Variants in IFT80 observed in about 807,000 individuals in gnomAD.
The protein encoded by IFT80 is intraflagellar transport protein 80 homolog.
IFT80 carries 79 observed loss-of-function variants against 107.9 expected under a neutral mutation model. The ratio of observed to expected loss-of-function variants is 0.73; its 90% CI spans 0.61 to 0.88. The LOEUF is 0.88. IFT80 is among the 40% of genes least tolerant of loss of function. The pLI, the probability that IFT80 is intolerant of heterozygous loss-of-function variation, is 0.00. For missense variants in IFT80, 797 were observed against 914.2 expected (o/e 0.87, Z 1.65); for synonymous variants, 299 against 300.9 (o/e 0.99, Z 0.07).
At chr3:160,259,653 C>T (rs1424461448) in intron 19 of IFT80, among the ~76,000 whole-genome samples, 2 of 152,142 alleles carry the variant, frequency 1.3e-5, no homozygotes, top group Admixed American at 1.3e-4. Context: ...ATGCAGTCTC[C>T]CCTCCCCTAG....
At chr3:160,319,527 T>C (rs1718052508) in intron 9 of IFT80, among the ~76,000 whole-genome samples, 1 of 152,024 alleles carries the variant, frequency 6.6e-6, no homozygotes, top group African/African-American at 2.4e-5. Flanking sequence ...GTTTCCAATT[T>C]CACTGTATTT....
intron 1 of IFT80, among the ~76,000 whole-genome samples, chr3:160,396,621 G>T (rs1256262055): frequency 2.0e-5 from 3 of 152,074 alleles, no homozygotes; most frequent in African/African-American, 7.2e-5. Context: ...TTCTAAGACT[G>T]CCTGAAATTG....
chr3:160,334,316 T>C (rs1719302272), intron 8 of IFT80, among the ~76,000 whole-genome samples: 1 of 152,192 alleles, frequency 6.6e-6, no homozygotes, highest in Non-Finnish European at 1.5e-5. Flanking sequence ...TGAGATATGT[T>C]ATTAGTTGAT....
In IFT80 at chr3:160,352,725, G is replaced by C. The variant is rs16831190; in HGVS notation, c.777+3288C>G. 4.5e-3 allele frequency among the ~76,000 whole-genome samples: 678 copies of C among 152,202 alleles called. 7 individuals are homozygous for C. Among genetic ancestry groups the C allele is most frequent in the African/African-American group, 0.016 (653 of 41,502 alleles). On this transcript the variant is annotated intron_variant, in intron 8 of 19. Coordinates refer to ENST00000326448, the MANE Select transcript of IFT80 (RefSeq NM_020800.3). ...TTTACTATCGTAATGATTGAACAGG[G>C]CATCACATCATGAAAGGGCATTATC...
chr3:160,377,658 C>A (rs190765374), intron 3 of IFT80, 118 bp from the exon 4 acceptor site: 1 of 562,062 alleles, frequency 1.8e-6, no homozygotes, highest in South Asian at 2.5e-5. Flanking sequence ...TATAATTATT[C>A]TTAATATCAC....
intron 1 of IFT80, among the ~76,000 whole-genome samples, chr3:160,390,890 A>G (rs1440947907): frequency 2.6e-5 from 4 of 152,192 alleles, no homozygotes; most frequent in Non-Finnish European, 5.9e-5. Context: ...ACGGGACCAG[A>G]TTGGGGACTG....
intron 8 of IFT80, among the ~76,000 whole-genome samples, chr3:160,340,543 T>C (rs1307479891): frequency 4.6e-5 from 7 of 152,228 alleles, no homozygotes; most frequent in Non-Finnish European, 7.3e-5. Context: ...CTTGCAGCTG[T>C]ATGACTGAGG....
intron 9 of IFT80, among the ~76,000 whole-genome samples, chr3:160,310,541 T>C (rs1016134300): frequency 5.3e-5 from 8 of 152,150 alleles, no homozygotes; most frequent in African/African-American, 1.9e-4. Context: ...AGCTAATAAA[T>C]GTGGAAGGAA....
At chr3:160,336,901 AT>A (rs1719520081) in intron 8 of IFT80, among the ~76,000 whole-genome samples, 2 of 152,098 alleles carry the variant, frequency 1.3e-5, no homozygotes, top group African/African-American at 4.8e-5. Flanking sequence ...CATGCCACAC[AT>A]TTTTTAGGGC....
intron 12 of IFT80, 142 bp from the exon 13 acceptor site, chr3:160,286,010 T>C: frequency 3.4e-6 from 2 of 584,186 alleles, no homozygotes; most frequent in Non-Finnish European, 6.1e-6. Context: ...TTTTAATTTA[T>C]TAATGTGGTC....
chr3:160,354,683 A>C (rs1279031100), intron 8 of IFT80, among the ~76,000 whole-genome samples: 1 of 152,106 alleles, frequency 6.6e-6, no homozygotes. Context: ...AATAAAATAA[A>C]AAGAATGAAT....
intron 10 of IFT80, among the ~76,000 whole-genome samples, chr3:160,304,304 T>C (rs1238741716): frequency 6.6e-6 from 1 of 152,210 alleles, no homozygotes; most frequent in African/African-American, 2.4e-5. Context: ...TCTGTGAGTT[T>C]GGGCAAGTCA....
At chr3:160,382,261 C>T (rs1160585013) in intron 2 of IFT80, among the ~76,000 whole-genome samples, 3 of 152,102 alleles carry the variant, frequency 2.0e-5, no homozygotes, top group Non-Finnish European at 4.4e-5. Context: ...TAACAATTCA[C>T]CTAGGAAAGA....
intron 6 of IFT80, among the ~76,000 whole-genome samples, chr3:160,361,753 G>T (rs1721507853): frequency 6.6e-6 from 1 of 152,142 alleles, no homozygotes; most frequent in Admixed American, 6.5e-5. Flanking sequence ...CATGGAAACT[G>T]AACAACCTGC....
At chr3:160,365,004 A>T (rs1168733507) in intron 6 of IFT80, among the ~76,000 whole-genome samples, 2 of 145,746 alleles carry the variant, frequency 1.4e-5, no homozygotes, top group African/African-American at 5.4e-5. Context: ...AGTATAATTA[A>T]AAAAAAAAGA....
chr3:160,384,518 T>C (rs1712778586), intron 2 of IFT80, 46 bp downstream of exon 2: 1 of 1,408,394 alleles, frequency 7.1e-7, no homozygotes, highest in Admixed American at 2.2e-5. Context: ...TTAACAATAC[T>C]ATAATTAAGA....
At chr3:160,388,487 T>C (rs1210612275) in intron 1 of IFT80, among the ~76,000 whole-genome samples, 2 of 151,060 alleles carry the variant, frequency 1.3e-5, no homozygotes, top group Non-Finnish European at 2.9e-5. Flanking sequence ...GGAAAATACA[T>C]CATGACCGTG....
At chr3:160,297,420 C>T (rs1220199591) in intron 12 of IFT80, among the ~76,000 whole-genome samples, 3 of 151,740 alleles carry the variant, frequency 2.0e-5, no homozygotes, top group African/African-American at 7.3e-5. Context: ...GCATTGAGTA[C>T]TCAGCAAAAA....
chr3:160,306,696 G>T (rs1716854314), intron 10 of IFT80, among the ~76,000 whole-genome samples: 1 of 152,102 alleles, frequency 6.6e-6, no homozygotes, highest in South Asian at 2.1e-4. Context: ...TGCAGATTCT[G>T]ATTAGTAGCA....
Sources: gnomAD v4.1 joint callset for allele counts (sites outside exome capture counted in the v4.1 genomes callset) on GRCh38, gnomAD v4.1.1 for gene constraint, MANE v1.5 for transcripts, NCBI Gene and HGNC (gene_info 2026-07-23, HGNC 2026-07-21) for gene names.